The following TRIM37 variants were observed in gnomAD, a reference collection of about 807,000 sequenced individuals.
TRIM37 encodes the protein E3 ubiquitin-protein ligase TRIM37.
TRIM37 carries 80 observed loss-of-function variants against 129.8 expected under a neutral mutation model. That is an observed-to-expected ratio of 0.62 (90% CI 0.51 to 0.74). The LOEUF (loss-of-function observed/expected upper bound fraction) is 0.74. TRIM37 is among the 30% of genes least tolerant of loss of function. The pLI is 0.00. For missense variants in TRIM37, 1,054 were observed against 1,176.5 expected (o/e 0.90, Z 1.52); for synonymous variants, 389 against 387.1 (o/e 1.00, Z -0.06).
At chr17:58,981,122 C>T (rs1246984978), downstream of TRIM37, 9 of 879,148 alleles carry the variant, frequency 1.0e-5, no homozygotes, top group East Asian at 1.8e-4. Flanking sequence ...AACATATGTG[C>T]TTCATTATGA....
At chr17:59,045,276 C>T (rs770694047) in intron 16 of TRIM37, among the ~76,000 whole-genome samples, 15 of 151,408 alleles carry the variant, frequency 9.9e-5, no homozygotes, top group Admixed American at 2.0e-4. Flanking sequence ...TTGCAGTGAG[C>T]GGATATTGCG....
chr17:59,063,899 A>C (rs2041712499), intron 10 of TRIM37, among the ~76,000 whole-genome samples: 1 of 152,190 alleles, frequency 6.6e-6, no homozygotes, highest in African/African-American at 2.4e-5. Flanking sequence ...AATGCCTATA[A>C]TTCCAGCACT....
At position 59,088,366 on chromosome 17, in the gene TRIM37, G is replaced by A; in HGVS notation, c.206C>T (p.Ala69Val). Residue 69 changes from alanine (A) to valine (V), a missense_variant, in exon 4 of 24, where the codon GCA becomes GTA. By Grantham distance (64) the Ala-to-Val change is moderately conservative (BLOSUM62 0). This residue lies in a region of TRIM37 where 752 missense variants were observed against 870.8 expected (regional missense o/e 0.86). Coordinates refer to ENST00000262294, the MANE Select transcript of TRIM37 (RefSeq NM_015294.6). ...QLRELVNCRW[A>V]EEVTQQLDTL... ...ATCAAGCTGTTGTGTTACTTCTTCT[G>A]CCCAACGACAATTTACTAGTTCTCG... is the stretch of plus-strand genomic sequence containing the variant. 1 of 1,613,786 alleles carries A rather than the reference G, an allele frequency of 6.2e-7. No individual in the cohort carries two copies.
At chr17:59,006,443 A>C (rs945047986) in intron 22 of TRIM37, among the ~76,000 whole-genome samples, 1 of 152,226 alleles carries the variant, frequency 6.6e-6, no homozygotes, top group Admixed American at 6.5e-5. Context: ...TATGGAAAAT[A>C]CATTAACCAC....
chr17:59,025,487 A>C (rs975887812), intron 19 of TRIM37, among the ~76,000 whole-genome samples: 12 of 151,888 alleles, frequency 7.9e-5, no homozygotes, highest in African/African-American at 2.9e-4. Context: ...AAAATTTTAA[A>C]ACTCTGTGAT....
At chr17:59,052,720 C>T (rs1434753614) in intron 13 of TRIM37, among the ~76,000 whole-genome samples, 2 of 151,908 alleles carry the variant, frequency 1.3e-5, no homozygotes, top group Non-Finnish European at 2.9e-5. Context: ...TTTGGGAGGC[C>T]GAGGTGGGCA....
intron 2 of TRIM37, among the ~76,000 whole-genome samples, chr17:59,092,840 G>A (rs1488447456): frequency 6.6e-6 from 1 of 152,116 alleles, no homozygotes; most frequent in Non-Finnish European, 1.5e-5. Context: ...TAGCAAGCAA[G>A]GTACTTCAGA....
intron 13 of TRIM37, among the ~76,000 whole-genome samples, chr17:59,054,852 G>A (rs2040684271): frequency 6.6e-6 from 1 of 151,192 alleles, no homozygotes; most frequent in Admixed American, 6.6e-5. Context: ...TTTTAGTAGA[G>A]ATAGGATTTC....
rs150027024 is a variant in TRIM37, at chr17:58,991,897, G to A, written c.2891+7484C>T. ...CTTACCATATGACTCAGTGCAATGA[G>A]TGCTGACACCAACCACCCGGAGTTA... On this transcript the variant is annotated intron_variant, in intron 24 of 24. Coordinates refer to the TRIM37 transcript ENST00000393066. Among the ~76,000 whole-genome samples, 329 of 152,194 alleles carry A rather than the reference G, an allele frequency of 2.2e-3. 1 individual carries two copies. Among genetic ancestry groups the A allele is most frequent in the Non-Finnish European group, 3.7e-3 (255 of 68,010 alleles).
chr17:59,082,994 T>G (rs1406665868), intron 5 of TRIM37, among the ~76,000 whole-genome samples: 1 of 152,218 alleles, frequency 6.6e-6, no homozygotes. Context: ...TACTGACTGA[T>G]GCCCACAGAA....
chr17:59,064,955 G>A (rs1008183760), intron 9 of TRIM37, among the ~76,000 whole-genome samples: 1 of 152,156 alleles, frequency 6.6e-6, no homozygotes, highest in African/African-American at 2.4e-5. Context: ...GGAGGCTGAG[G>A]CACGAGAATC....
the TRIM37 span, among the ~76,000 whole-genome samples, chr17:58,973,183 C>T: frequency 2.5e-4 from 38 of 150,274 alleles, no homozygotes; most frequent in South Asian, 6.6e-3. Context: ...TTTGGGAGGC[C>T]GAGGCGGGTG....
chr17:59,005,265 T>C (rs988311164), intron 22 of TRIM37, among the ~76,000 whole-genome samples: 22 of 152,138 alleles, frequency 1.4e-4, no homozygotes, highest in African/African-American at 5.3e-4. Context: ...AATACATTTT[T>C]CAAACTCTAT....
chr17:59,086,602 AC>A (rs2043776108), intron 4 of TRIM37, among the ~76,000 whole-genome samples: 1 of 152,218 alleles, frequency 6.6e-6, no homozygotes, highest in Non-Finnish European at 1.5e-5. Context: ...GAAAATACTT[AC>A]ATAAGTTTAT....
At chr17:59,079,912 G>A (rs747612378) in intron 6 of TRIM37, 35 bp from the exon 7 acceptor site, 7 of 1,606,570 alleles carry the variant, frequency 4.4e-6, no homozygotes, top group Non-Finnish European at 6.0e-6. Flanking sequence ...ATTTTAATTG[G>A]GTAAATTTTA....
chr17:59,034,825 A>G (rs571249574), intron 17 of TRIM37, among the ~76,000 whole-genome samples: 1 of 152,238 alleles, frequency 6.6e-6, no homozygotes, highest in African/African-American at 2.4e-5. Flanking sequence ...ATGAAGAAAT[A>G]TATTATCAGT....
intron 2 of TRIM37, among the ~76,000 whole-genome samples, 160 bp from the exon 3 acceptor site, chr17:59,091,500 TATAAC>T (rs1291528455): frequency 2.4e-4 from 25 of 104,154 alleles, no homozygotes; most frequent in South Asian, 8.6e-4. Flanking sequence ...TATATTATTA[TATAAC>T]ATATCATATA....
At chr17:58,984,444 A>AATT (rs1190058236) in intron 24 of TRIM37, 1 of 152,652 alleles carries the variant, frequency 6.6e-6, no homozygotes, top group African/African-American at 2.4e-5. Context: ...AAATGATCTA[A>AATT]ATTATTGTTT....
At chr17:59,033,201 A>G (rs1242993660) in intron 17 of TRIM37, among the ~76,000 whole-genome samples, 2 of 152,206 alleles carry the variant, frequency 1.3e-5, no homozygotes, top group Admixed American at 1.3e-4. Flanking sequence ...CCAACTACCC[A>G]TGAGTATTTC....
Sources: allele counts gnomAD v4.1 joint callset (sites outside exome capture counted in the v4.1 genomes callset), GRCh38; gene constraint gnomAD v4.1.1; regional missense constraint gnomAD v4.1.1; transcripts MANE v1.5; gene names NCBI Gene and HGNC (gene_info 2026-07-23, HGNC 2026-07-21).